The following LARS2 variants were observed in gnomAD, a reference collection of about 807,000 sequenced individuals.
The protein encoded by LARS2 is leucyl-tRNA synthetase 2, mitochondrial, also known as leucine--tRNA ligase, mitochondrial.
LARS2 carries 81 observed loss-of-function variants against 116.6 expected under a neutral mutation model. The observed-to-expected ratio is 0.69, with a 90% CI of 0.58 to 0.84. LARS2 has a LOEUF of 0.84. LARS2 is among the 40% of genes least tolerant of loss of function. LARS2 has a pLI of 0.00. For synonymous variants in LARS2, 396 were observed against 407.2 expected (o/e 0.97, Z 0.33); for missense variants, 968 against 1,114.5 (o/e 0.87, Z 1.87).
intron 6 of LARS2, among the ~76,000 whole-genome samples, chr3:45,430,132 T>A (rs4621364): frequency 0.24 from 32,727 of 138,662 alleles, 4,683 homozygotes; most frequent in East Asian, 0.5. Context: ...CCACCACGCC[T>A]GGCCAATTTT....
intron 8 of LARS2, among the ~76,000 whole-genome samples, chr3:45,460,595 T>C (rs1699300147): frequency 6.6e-6 from 1 of 152,218 alleles, no homozygotes; most frequent in South Asian, 2.1e-4. Flanking sequence ...CCTGTGCAGA[T>C]GTATTGAAAA....
intron 15 of LARS2, chr3:45,509,573 TA>T (rs1700252458): frequency 1.3e-5 from 2 of 152,072 alleles, no homozygotes; most frequent in African/African-American, 4.8e-5. Context: ...GCTCTCCAAT[TA>T]ATTGCCTAGT....
intron 7 of LARS2, among the ~76,000 whole-genome samples, chr3:45,456,400 C>T (rs369082273): frequency 2.6e-5 from 4 of 152,142 alleles, no homozygotes; most frequent in East Asian, 1.9e-4. Flanking sequence ...CTGGCCAACA[C>T]GGTGAAACCC....
intron 17 of LARS2, among the ~76,000 whole-genome samples, chr3:45,516,728 C>G (rs1700373938): frequency 6.6e-6 from 1 of 152,180 alleles, no homozygotes; most frequent in African/African-American, 2.4e-5. Context: ...TTTTCTAGAA[C>G]AGTGTCATTC....
chr3:45,499,102 G>A (rs1036221667), intron 14 of LARS2, among the ~76,000 whole-genome samples: 8 of 151,856 alleles, frequency 5.3e-5, no homozygotes, highest in African/African-American at 1.9e-4. Context: ...AAGACCAGCT[G>A]GACTGAACGT....
intron 6 of LARS2, among the ~76,000 whole-genome samples, chr3:45,420,970 T>C (rs1351320560): frequency 1.3e-5 from 2 of 152,232 alleles, no homozygotes; most frequent in Non-Finnish European, 2.9e-5. Context: ...TTTGGAATTA[T>C]AAACATTTAT....
intron 6 of LARS2, among the ~76,000 whole-genome samples, chr3:45,440,374 T>C (rs1013921451): frequency 9.9e-5 from 15 of 152,134 alleles, no homozygotes; most frequent in African/African-American, 2.9e-4. Context: ...AAAGTGCACA[T>C]TACAAAAGAT....
chr3:45,418,624 G>C (rs190972958), intron 5 of LARS2, among the ~76,000 whole-genome samples: 16 of 152,260 alleles, frequency 1.1e-4, no homozygotes, highest in Non-Finnish European at 1.6e-4. Context: ...AAATCCATTT[G>C]TTTACATATT....
At chr3:45,420,059 C>T (rs1303790426) in intron 6 of LARS2, among the ~76,000 whole-genome samples, 3 of 152,244 alleles carry the variant, frequency 2.0e-5, no homozygotes, top group Admixed American at 2.0e-4. Flanking sequence ...GATTAAATAT[C>T]AATCCATCTG....
intron 7 of LARS2, among the ~76,000 whole-genome samples, chr3:45,449,850 G>A (rs1699095082): frequency 6.6e-6 from 1 of 152,162 alleles, no homozygotes. Context: ...AATAGTATTT[G>A]AGCAGAGCAT....
intron 6 of LARS2, 25 bp downstream of exon 6, chr3:45,419,754 G>A: frequency 6.3e-7 from 1 of 1,595,944 alleles, no homozygotes; most frequent in Non-Finnish European, 8.6e-7. Context: ...TTTCCTGAAA[G>A]GTCGTCATTT....
intron 20 of LARS2, among the ~76,000 whole-genome samples, chr3:45,539,181 T>C (rs1700753924): frequency 1.3e-5 from 2 of 151,932 alleles, no homozygotes; most frequent in Non-Finnish European, 2.9e-5. Context: ...TACTAATAGA[T>C]TTGAAAGTTA....
chr3:45,391,483 C>CAAAA (rs537703578), intron 1 of LARS2, 100 bp from the exon 2 acceptor site: 1 of 97,758 alleles, frequency 1.0e-5, no homozygotes, highest in Non-Finnish European at 2.1e-5. Context: ...CACTCTGACT[C>CAAAA]AAAAAAAAAA....
At chr3:45,516,363 A>C (rs1327272507) in intron 17 of LARS2, 87 bp downstream of exon 17, 1 of 1,322,788 alleles carries the variant, frequency 7.6e-7, no homozygotes, top group Non-Finnish European at 1.1e-6. Context: ...GTCTTTGCTG[A>C]AGACAGTGGT....
Position 45,511,277 on chromosome 3 carries a change from A to T in LARS2, c.1761-1858A>T, listed in dbSNP as rs942256031. On this transcript the variant is annotated intron_variant, in intron 15 of 21. Coordinates refer to ENST00000645846, the MANE Select transcript of LARS2 (RefSeq NM_015340.4). The stretch of plus-strand genomic sequence containing the variant: ...AGGTCTTGGTGTGGGTGCACTGCTG[A>T]GGACCTGCCTGCCAGTTCTGGGGAA... Among the ~76,000 whole-genome samples the T allele has an allele frequency of 7.9e-5, 12 of 152,318 alleles. No homozygotes were observed. In the East Asian group the frequency reaches 2.3e-3, roughly 29 times the overall value.
At chr3:45,412,392 T>C (rs1157581185) in intron 4 of LARS2, among the ~76,000 whole-genome samples, 1 of 152,034 alleles carries the variant, frequency 6.6e-6, no homozygotes, top group African/African-American at 2.4e-5. Flanking sequence ...TGTACATATG[T>C]TTGTATGTAT....
intron 19 of LARS2, among the ~76,000 whole-genome samples, chr3:45,521,099 TCAAGACCATCCTGGCTAA>T (rs1388814681): frequency 6.6e-6 from 1 of 151,910 alleles, no homozygotes. Context: ...GGTCAGGAGA[TCAAGACCATCCTGGCTAA>T]CACAGTGAAA....
Position 45,476,538 on chromosome 3 carries a change from C to T in LARS2, c.929C>T (p.Ser310Phe). The T allele has an allele frequency of 6.2e-7, 1 of 1,614,224 alleles. No individual in the cohort carries two copies. Among genetic ancestry groups the T allele is most frequent in the Non-Finnish European group, 8.5e-7 (1 of 1,180,024 alleles). Residue 310 changes from serine to phenylalanine, a missense_variant, in exon 10 of 22, where the codon TCC becomes TTC. Physicochemically the swap from Ser to Phe is radical, Grantham distance 155. Coordinates refer to ENST00000645846, the MANE Select transcript of LARS2 (RefSeq NM_015340.4). The part of the protein sequence containing the change: ...TATPEAIYGT[S>F]HVAISPSHRL... Reference sequence around the variant, plus strand: ...ACCCCTGAAGCCATTTATGGCACCTCCCACGTGGCCATCTCGCCCAGCCAC... The same window carrying T: ...ACCCCTGAAGCCATTTATGGCACCTTCCACGTGGCCATCTCGCCCAGCCAC...
chr3:45,436,354 A>C (rs534588357), intron 6 of LARS2, among the ~76,000 whole-genome samples: 6 of 152,186 alleles, frequency 3.9e-5, no homozygotes, highest in Admixed American at 6.5e-5. Context: ...TTCAAAAAAA[A>C]AAAAACAAAA....
Sources: allele counts gnomAD v4.1 joint callset (sites outside exome capture counted in the v4.1 genomes callset), GRCh38; gene constraint gnomAD v4.1.1; transcripts MANE v1.5; gene names NCBI Gene and HGNC (gene_info 2026-07-23, HGNC 2026-07-21).